Variants in ZNF585B observed in about 807,000 individuals in gnomAD.
ZNF585B encodes zinc finger protein 585B.
In ZNF585B, 7 loss-of-function variants were observed where a neutral mutation model predicts 14.0. That is an observed-to-expected ratio of 0.50 (90% CI 0.28 to 0.94). The LOEUF is 0.94. Among genes scored for constraint, ZNF585B ranks in the 40% least tolerant of loss-of-function variants. The pLI is 0.09. For missense variants in ZNF585B, 750 were observed against 924.4 expected (o/e 0.81, Z 2.45); for synonymous variants, 290 against 317.3 (o/e 0.91, Z 0.91).
At chr19:37,205,218 C>T (rs1972573778) in intron 2 of ZNF585B, among the ~76,000 whole-genome samples, 1 of 152,060 alleles carries the variant, frequency 6.6e-6, no homozygotes, top group Admixed American at 6.6e-5. Context: ...GCTGCTTTAC[C>T]AACTGTAACT....
At chr19:37,199,519 G>T (rs1323503519) in intron 2 of ZNF585B, 2 of 445,432 alleles carry the variant, frequency 4.5e-6, no homozygotes, top group Admixed American at 4.9e-5. Context: ...GTGAGACCCC[G>T]TTTCAAAAAA....
At chr19:37,189,385 T>C (rs774689449) in intron 4 of ZNF585B, among the ~76,000 whole-genome samples, 1 of 151,918 alleles carries the variant, frequency 6.6e-6, no homozygotes, top group Admixed American at 6.6e-5. Flanking sequence ...TAGGACAATA[T>C]GGAAGGCAGG....
In ZNF585B at chr19:37,184,721, T is replaced by TG; in HGVS notation, c.*505dup. 1 of 310,512 alleles carries TG rather than the reference T, an allele frequency of 3.2e-6. No homozygotes were observed. Among genetic ancestry groups the TG allele is most frequent in the Non-Finnish European group, 5.9e-6 (1 of 170,582 alleles). The allele number at this position is 310,512 out of a possible 1,614,324, so 19.2% of individuals were successfully genotyped here. On this transcript the variant is annotated 3_prime_UTR_variant, in exon 5 of 5. Coordinates refer to ENST00000532828, the MANE Select transcript of ZNF585B (RefSeq NM_152279.4). Reference sequence around the variant, plus strand: ...TCTCTTGCTTGATAGAAATACTCAATGGGGAATTGGATATGCACAACTGTG... The same window carrying TG: ...TCTCTTGCTTGATAGAAATACTCAATGGGGGAATTGGATATGCACAACTGTG...
chr19:37,200,104 C>T (rs1227466490), intron 2 of ZNF585B, among the ~76,000 whole-genome samples: 2 of 147,190 alleles, frequency 1.4e-5, no homozygotes, highest in African/African-American at 2.5e-5. Flanking sequence ...AATAATTAAA[C>T]CCAAGGAAGA....
At chr19:37,202,997 A>T (rs1044877497) in intron 2 of ZNF585B, among the ~76,000 whole-genome samples, 2 of 152,220 alleles carry the variant, frequency 1.3e-5, no homozygotes, top group Admixed American at 6.5e-5. Flanking sequence ...TCTTAGGTAT[A>T]GAAGTAACTA....
intron 1 of ZNF585B, among the ~76,000 whole-genome samples, chr19:37,208,211 T>A (rs908223178): frequency 2.0e-5 from 3 of 152,164 alleles, no homozygotes; most frequent in African/African-American, 7.2e-5. Context: ...GACCTTGTGA[T>A]CCGCCTGCCT....
At chr19:37,204,710 G>C (rs1972566990) in intron 2 of ZNF585B, among the ~76,000 whole-genome samples, 1 of 151,584 alleles carries the variant, frequency 6.6e-6, no homozygotes, top group Non-Finnish European at 1.5e-5. Context: ...GAGCAGGTGG[G>C]TCTATAGGCA....
intron 2 of ZNF585B, among the ~76,000 whole-genome samples, chr19:37,204,904 G>C (rs1454976847): frequency 1.3e-5 from 2 of 151,930 alleles, no homozygotes; most frequent in African/African-American, 4.8e-5. Flanking sequence ...ACGCCACCAT[G>C]CCTGACAAAT....
intron 1 of ZNF585B, among the ~76,000 whole-genome samples, chr19:37,210,010 CG>C: frequency 6.6e-6 from 1 of 151,808 alleles, no homozygotes; most frequent in Non-Finnish European, 1.5e-5. Context: ...CCACCGCGCC[CG>C]GCCATAAAGT....
intron 1 of ZNF585B, among the ~76,000 whole-genome samples, chr19:37,208,603 A>G (rs1042652578): frequency 6.6e-6 from 1 of 152,024 alleles, no homozygotes; most frequent in African/African-American, 2.4e-5. Flanking sequence ...CAAAAAAAAA[A>G]ATAAAAGAAA....
In ZNF585B at chr19:37,186,776, T is replaced by C; in HGVS notation, c.761A>G (p.Lys254Arg). ...CTDCGKAFTQ[K>R]STLKIHQKIH... ...TTTCTGATGAATCTTGAGTGTGGAC[T>C]TTTGTGTGAACGCTTTGCCACAGTC... Residue 254 changes from lysine to arginine, a missense_variant, in exon 5 of 5, where the codon AAG becomes AGG. Coordinates refer to ENST00000532828, the MANE Select transcript of ZNF585B (RefSeq NM_152279.4). The C allele has an allele frequency of 6.2e-7, 1 of 1,614,174 alleles. No individual in the cohort carries two copies. Among genetic ancestry groups the C allele is most frequent in the Non-Finnish European group, 8.5e-7 (1 of 1,180,024 alleles).
rs368146360 is a variant in ZNF585B at position 37,209,240 on chromosome 19, G to A, written c.-144+1201C>T. Among the ~76,000 whole-genome samples the A allele has an allele frequency of 4.4e-3, 664 of 152,158 alleles. 3 individuals carry two copies. The highest frequency in any genetic ancestry group is 8.0e-3 in the Non-Finnish European group (547 of 68,014). On this transcript the variant is annotated intron_variant, in intron 1 of 4. Coordinates refer to ENST00000532828, the MANE Select transcript of ZNF585B (RefSeq NM_152279.4). The stretch of plus-strand genomic sequence containing the variant: ...CTGCCTCAGCCTCCCGAGTAGTTGG[G>A]ATTACAGGCACCCACCACCACACCC...
chr19:37,189,468 A>G (rs1373651064), intron 4 of ZNF585B, 193 bp downstream of exon 4: 3 of 592,284 alleles, frequency 5.1e-6, no homozygotes, highest in African/African-American at 3.7e-5. Flanking sequence ...CACATGACTT[A>G]TAATCAACAA....
rs752663616 is a variant in ZNF585B at position 37,204,750 on chromosome 19, C to CT, written c.72+2289dup. Among the ~76,000 whole-genome samples the CT allele has an allele frequency of 2.8e-3, 388 of 140,802 alleles. 3 individuals carry two copies. The highest frequency in any genetic ancestry group is 7.6e-3 in the Admixed American group (107 of 14,026). The allele number at this position is 140,802 out of a possible 152,430, so 92.4% of individuals were successfully genotyped here. A position where few individuals can be genotyped will look rare whatever the true frequency, so the allele number is the denominator to read the frequency against. On this transcript the variant is annotated intron_variant, in intron 2 of 4. Transcript: ENST00000532828. ...GCACCATGCCAGACTAATTGTTTTTCTTTTTTTTTTTTTTGAGACAGAGGC... is the reference window on the plus strand; with the variant it reads ...GCACCATGCCAGACTAATTGTTTTTCTTTTTTTTTTTTTTTGAGACAGAGGC...
intron 2 of ZNF585B, among the ~76,000 whole-genome samples, chr19:37,203,911 AG>A (rs1972560370): frequency 6.6e-6 from 1 of 151,810 alleles, no homozygotes; most frequent in Non-Finnish European, 1.5e-5. Flanking sequence ...TACAGGCATG[AG>A]CCACCGCACC....
At position 37,205,365 on chromosome 19, in the gene ZNF585B, A is replaced by G. The variant is rs550548028; in HGVS notation, c.72+1675T>C. On this transcript the variant is annotated intron_variant, in intron 2 of 4. Transcript: ENST00000532828. ...CTCACCACGTGACTAGAACCCTGAA[A>G]TGAAATTCCACTACTTCTAATATAT... Among the ~76,000 whole-genome samples the G allele has an allele frequency of 6.4e-4, 97 of 152,244 alleles. 1 individual carries two copies. Among genetic ancestry groups the G allele is most frequent in the Non-Finnish European group, 1.1e-3 (77 of 68,048 alleles).
At chr19:37,203,893 G>A (rs170379) in intron 2 of ZNF585B, among the ~76,000 whole-genome samples, 1 of 152,014 alleles carries the variant, frequency 6.6e-6, no homozygotes. Context: ...CTCCCAAAGT[G>A]CTGGGATTAC....
intron 1 of ZNF585B, among the ~76,000 whole-genome samples, chr19:37,209,504 G>A (rs1032447683): frequency 3.9e-5 from 6 of 152,128 alleles, no homozygotes; most frequent in Non-Finnish European, 7.4e-5. Flanking sequence ...CTTTTCCAAT[G>A]TGAGTAGTTT....
At chr19:37,202,050 C>T (rs777217014) in intron 2 of ZNF585B, among the ~76,000 whole-genome samples, 3 of 151,968 alleles carry the variant, frequency 2.0e-5, no homozygotes, top group Non-Finnish European at 2.9e-5. Flanking sequence ...GACAGAGTTT[C>T]GCTCTTGTTG....
Sources: gnomAD v4.1 joint callset for allele counts (sites outside exome capture counted in the v4.1 genomes callset) on GRCh38, gnomAD v4.1.1 for gene constraint, MANE v1.5 for transcripts, NCBI Gene and HGNC (gene_info 2026-07-23, HGNC 2026-07-21) for gene names.